AP5Z1: variants seen among roughly 807,000 people sequenced by gnomAD.
AP5Z1 encodes the protein AP-5 complex subunit zeta-1.
A neutral mutation model predicts 83.0 loss-of-function variants in AP5Z1; 106 were observed. The observed-to-expected ratio is 1.28, with a 90% CI of 1.09 to 1.50. The LOEUF (loss-of-function observed/expected upper bound fraction) is 1.50, where lower values mean the gene tolerates loss of function less well. Ranked by LOEUF, AP5Z1 falls within the 40% of genes most tolerant of loss-of-function variation. AP5Z1 has a pLI of 0.00. For missense variants in AP5Z1, 1,565 were observed against 1,094.2 expected, an observed-to-expected ratio of 1.43 and a Z score of -6.07; for synonymous variants, 751 against 514.1, an observed-to-expected ratio of 1.46 and a Z score of -6.23.
In AP5Z1 at chr7:4,791,010, G is replaced by A. The variant is rs1255784283; in HGVS notation, c.2154-105G>A. The stretch of plus-strand genomic sequence containing the variant: ...GCGCAGGTCCTGGGTGGGCCCTGCT[G>A]AGCTAAAGCCACTCTGCTGGGCGCT... On this transcript the variant is annotated intron_variant, in intron 16 of 16. Transcript: ENST00000649063. The A allele has an allele frequency of 8.2e-6, 12 of 1,469,002 alleles. No homozygotes were observed. The East Asian group carries it at 1.5e-4, about 18-fold the overall frequency. The allele number at this position is 1,469,002 out of a possible 1,614,324, so 91.0% of individuals were successfully genotyped here.
At chr7:4,780,304 C>T (rs1781344891) in intron 1 of AP5Z1, among the ~76,000 whole-genome samples, 1 of 152,140 alleles carries the variant, frequency 6.6e-6, no homozygotes, top group Non-Finnish European at 1.5e-5. Context: ...TATGTCATGA[C>T]ATTTGTTCTT....
In AP5Z1 at chr7:4,787,775, A is replaced by G. The variant is rs774933471; in HGVS notation, c.1453A>G (p.Arg485Gly). ...CLTAVLDLQL[R>G]SAPAASERPL... ...GACGGCGGTGCTGGACCTGCAGCTCAGGTGGGCCCCTCACCCTCTGCCAGC... is the reference window on the plus strand; with the variant it reads ...GACGGCGGTGCTGGACCTGCAGCTCGGGTGGGCCCCTCACCCTCTGCCAGC... The change falls in exon 11 of 17, where the codon AGG (arginine) becomes GGG (glycine). Residue 485 changes from arginine (R) to glycine (G), a missense_variant and splice_region_variant. By Grantham distance (125) the Arg-to-Gly change is moderately radical. Coordinates refer to ENST00000649063, the MANE Select transcript of AP5Z1 (RefSeq NM_014855.3). 6.5e-7 allele frequency: 1 copy of G among 1,531,968 alleles called. No individual in the cohort carries two copies. The highest frequency in any genetic ancestry group is 8.8e-7 in the Non-Finnish European group (1 of 1,142,236). 94.9% of individuals were successfully genotyped at this position (1,531,968 alleles called of 1,614,324 possible).
chr7:4,787,240 C>A (rs554603566), intron 10 of AP5Z1, among the ~76,000 whole-genome samples: 2 of 152,018 alleles, frequency 1.3e-5, no homozygotes, highest in Non-Finnish European at 2.9e-5. Flanking sequence ...CACCTGTAAT[C>A]CCAGCACCTC....
Position 4,783,751 on chromosome 7 carries a change from G to T in AP5Z1, c.574G>T (p.Gly192Trp). 6.4e-7 allele frequency: 1 copy of T among 1,550,866 alleles called. No homozygotes were observed. Among genetic ancestry groups the T allele is most frequent in the Non-Finnish European group, 8.7e-7 (1 of 1,147,238 alleles). ...DWLRYASLQQGLPHSGGFFST... is the reference protein window; with the variant it reads ...DWLRYASLQQWLPHSGGFFST... The stretch of plus-strand genomic sequence containing the variant: ...GCTGCGCTACGCCAGCCTCCAGCAA[G>T]GGCTCCCACACTCCGGCGGCTTCTT... The change falls in exon 5 of 17, where the codon GGG becomes TGG. Residue 192 changes from glycine to tryptophan, a missense_variant. By Grantham distance (184) the Gly-to-Trp change is radical. Coordinates refer to ENST00000649063, the MANE Select transcript of AP5Z1 (RefSeq NM_014855.3).
Position 4,787,717 on chromosome 7 carries a change from G to A in AP5Z1, c.1395G>A (p.Glu465=), listed in dbSNP as rs1401496302. The change falls in exon 11 of 17, where the codon GAG becomes GAA. Residue 465 remains glutamate (E), a synonymous_variant. Transcript: ENST00000649063. ...PALVDAGTAL[E]MLHALLDLPC... ...TGGTGGACGCTGGCACAGCCCTGGA[G>A]ATGCTGCACGCGCTGCTGGACCTGC... The A allele has an allele frequency of 4.5e-6, 7 of 1,550,132 alleles. No individual in the cohort carries two copies. The highest frequency in any genetic ancestry group is 8.7e-7 in the Non-Finnish European group (1 of 1,148,894).
chr7:4,781,673 C>T lies in AP5Z1; in HGVS notation c.285C>T (p.Pro95=), dbSNP rs1445513825. The change falls in exon 3 of 17, where the codon CCC becomes CCT. Residue 95 remains proline, a synonymous_variant. Transcript: ENST00000649063. ...LCAAILREMS[P]SDSLSLAWDH... is the part of the protein sequence containing the mutation. ...CCGCCATCCTGCGAGAGATGTCCCCCTCTGACAGCCTCAGCCTGGCCTGGG... is the reference window on the plus strand; with the variant it reads ...CCGCCATCCTGCGAGAGATGTCCCCTTCTGACAGCCTCAGCCTGGCCTGGG... The T allele has an allele frequency of 1.9e-6, 3 of 1,600,148 alleles. No individual in the cohort carries two copies. Among genetic ancestry groups the T allele is most frequent in the South Asian group, 1.1e-5 (1 of 90,822 alleles).
At position 4,781,744 on chromosome 7, in the gene AP5Z1, T is replaced by C; in HGVS notation, c.356T>C (p.Leu119Pro). ...CAGCTGAGCCTGGTGGCCTCCGTTC[T>C]CTTGGCCCAGGTAGCGCAGCAGTCA... is the stretch of plus-strand genomic sequence containing the variant. The part of the protein sequence containing the change: ...SRQLSLVASV[L>P]LAQGDRNEEV... Residue 119 changes from leucine to proline, a missense_variant, in exon 3 of 17, where the codon CTC becomes CCC. Transcript: ENST00000649063. 6.4e-7 allele frequency: 1 copy of C among 1,568,062 alleles called. No individual in the cohort carries two copies.
At chr7:4,788,441 A>T in intron 12 of AP5Z1, 147 bp downstream of exon 12, 1 of 1,050,658 alleles carries the variant, frequency 9.5e-7, no homozygotes, top group Non-Finnish European at 1.3e-6. Flanking sequence ...ACCATTATAG[A>T]GGCCCTGCTT....
rs1781448603 is a variant in AP5Z1, at chr7:4,783,672, C to G, written c.512-17C>G. 1 of 1,545,842 alleles carries G rather than the reference C, an allele frequency of 6.5e-7. No individual in the cohort carries two copies. The highest frequency in any genetic ancestry group is 1.2e-5 in the South Asian group (1 of 83,906). The stretch of plus-strand genomic sequence containing the variant: ...AGGATTCAACCTCACCTCCCCATGC[C>G]ACCCCACCCACTGCAGACCAGGCCA... On this transcript the variant is annotated splice_polypyrimidine_tract_variant and intron_variant, in intron 4 of 16. Coordinates refer to ENST00000649063, the MANE Select transcript of AP5Z1 (RefSeq NM_014855.3).
At chr7:4,790,063 C>T in intron 14 of AP5Z1, 134 bp downstream of exon 14, 1 of 1,201,832 alleles carries the variant, frequency 8.3e-7, no homozygotes, top group South Asian at 1.6e-5. Context: ...CAGACCCTGC[C>T]ACCCCCACCC....
intron 1 of AP5Z1, among the ~76,000 whole-genome samples, 200 bp from the exon 2 acceptor site, chr7:4,780,975 A>G (rs1781365005): frequency 1.3e-5 from 2 of 152,150 alleles, no homozygotes; most frequent in South Asian, 4.1e-4. Flanking sequence ...GCAGCGATGG[A>G]TCGGGAAATC....
rs1781871766 is a variant in AP5Z1 at position 4,793,956 on chromosome 7, A to C, written c.*2571A>C. ...TGGGTGAAAGCCAGCTGGGCTCCTG[A>C]GTCTGGTGGGGACTTGGAGAACCTT... is the stretch of plus-strand genomic sequence containing the variant. On this transcript the variant is annotated 3_prime_UTR_variant, in exon 17 of 17. Transcript: ENST00000649063. The C allele has an allele frequency of 6.6e-6, 1 of 152,502 alleles. No homozygotes were observed. The highest frequency in any genetic ancestry group is 2.4e-5 in the African/African-American group (1 of 41,464). The allele number at this position is 152,502 out of a possible 1,614,324, so 9.4% of individuals were successfully genotyped here. A position where few individuals can be genotyped will look rare whatever the true frequency, so the allele number is the denominator to read the frequency against.
chr7:4,789,557 A>T (rs1781679523), intron 13 of AP5Z1, among the ~76,000 whole-genome samples: 1 of 152,212 alleles, frequency 6.6e-6, no homozygotes, highest in South Asian at 2.1e-4. Flanking sequence ...TGGCCAAACA[A>T]GACGTGTGCC....
chr7:4,781,305 A>G lies in AP5Z1; in HGVS notation c.172A>G (p.Ser58Gly), dbSNP rs756631068. 3.7e-6 allele frequency: 6 copies of G among 1,613,436 alleles called. No homozygotes were observed. In the East Asian group the frequency reaches 1.3e-4, roughly 36 times the overall value. The change falls in exon 2 of 17, where the codon AGC becomes GGC. Residue 58 changes from serine to glycine, a missense_variant. Transcript: ENST00000649063. ...LFLIISATKY[S>G]RRLEKTCVDL... ...CCTCATCATCTCAGCCACGAAGTACAGCCGGAGGTGAGTGTGGCGACGGCT... is the reference window on the plus strand; with the variant it reads ...CCTCATCATCTCAGCCACGAAGTACGGCCGGAGGTGAGTGTGGCGACGGCT...
rs1188144253 is a variant in AP5Z1 at position 4,788,768 on chromosome 7, G to A, written c.1596-72G>A. The A allele has an allele frequency of 4.5e-6, 6 of 1,336,328 alleles. No homozygotes were observed. In the Admixed American group the frequency reaches 7.1e-5, roughly 16 times the overall value. 82.8% of individuals were successfully genotyped at this position (1,336,328 alleles called of 1,614,324 possible). ...GCTCAGCTGTGCGAGAGGGAGCAGT[G>A]GCGACGTGGCCCCGGCCTGCAGTCA... is the stretch of plus-strand genomic sequence containing the variant. On this transcript the variant is annotated intron_variant, in intron 12 of 16. Transcript: ENST00000649063.
rs778326113 is a variant in AP5Z1 at position 4,789,969 on chromosome 7, T to G, written c.1805+40T>G. 56 of 1,464,696 alleles carry G rather than the reference T, an allele frequency of 3.8e-5. No homozygotes were observed. The African/African-American group carries it at 7.6e-4, about 20-fold the overall frequency. 90.7% of individuals were successfully genotyped at this position (1,464,696 alleles called of 1,614,324 possible). A position where few individuals can be genotyped will look rare whatever the true frequency, so the allele number is the denominator to read the frequency against. ...CGCTCCTGCCACAGCCCTGGGCGGG[T>G]GCCTCCTGGACTCCTCCCCCTCTCC... On this transcript the variant is annotated intron_variant, in intron 14 of 16. Transcript: ENST00000649063.
intron 1 of AP5Z1, among the ~76,000 whole-genome samples, chr7:4,777,641 G>A (rs926695194): frequency 6.6e-6 from 1 of 152,046 alleles, no homozygotes. Context: ...CGCCTGACTC[G>A]GCCCCTCGAA....
At chr7:4,787,811 C>T (rs1781599937) in intron 11 of AP5Z1, 35 bp downstream of exon 11, 1 of 1,504,684 alleles carries the variant, frequency 6.6e-7, no homozygotes, top group East Asian at 2.5e-5. Context: ...GCTGCGTCTC[C>T]CAGCCAGCTG....
chr7:4,791,478 G>A lies in AP5Z1; in HGVS notation c.*93G>A. Reference sequence around the variant, plus strand: ...GCTGATAGGAGCTCAGGAGGGCGCGGGAGTCCTGGGAGAGGAGGCAAGGCC... The same window carrying A: ...GCTGATAGGAGCTCAGGAGGGCGCGAGAGTCCTGGGAGAGGAGGCAAGGCC... On this transcript the variant is annotated 3_prime_UTR_variant, in exon 17 of 17. Transcript: ENST00000649063. 5 of 1,465,242 alleles carry A rather than the reference G, an allele frequency of 3.4e-6. No homozygotes were observed. The Middle Eastern group carries it at 7.5e-4, about 221-fold the overall frequency. The allele number at this position is 1,465,242 out of a possible 1,614,324, so 90.8% of individuals were successfully genotyped here.
Sources: allele counts gnomAD v4.1 joint callset (sites outside exome capture counted in the v4.1 genomes callset), GRCh38; gene constraint gnomAD v4.1.1; transcripts MANE v1.5; gene names NCBI Gene and HGNC (gene_info 2026-07-23, HGNC 2026-07-21).